The following MKI67 variants were observed in gnomAD, a reference collection of about 807,000 sequenced individuals.
The protein encoded by MKI67 is marker of proliferation Ki-67.
MKI67 carries 152 observed loss-of-function variants against 233.5 expected under a neutral mutation model. That is an observed-to-expected ratio of 0.65 (90% CI 0.57 to 0.74). The LOEUF (loss-of-function observed/expected upper bound fraction) is 0.74, where lower values mean the gene tolerates loss of function less well. Among genes scored for constraint, MKI67 ranks in the 30% least tolerant of loss-of-function variants. MKI67 has a pLI of 0.00. For missense variants in MKI67, 3,940 were observed against 3,885.2 expected (o/e 1.01, Z -0.37); for synonymous variants, 1,465 against 1,418.5 (o/e 1.03, Z -0.74).
At chr10:128,124,942 G>C (rs1303533282) in intron 2 of MKI67, among the ~76,000 whole-genome samples, 1 of 127,304 alleles carries the variant, frequency 7.9e-6, no homozygotes, top group African/African-American at 2.8e-5. Context: ...TGGGAGGACA[G>C]GGTGAGGCCT....
intron 5 of MKI67, among the ~76,000 whole-genome samples, chr10:128,117,531 C>A (rs895633644): frequency 6.6e-6 from 1 of 152,220 alleles, no homozygotes; most frequent in Admixed American, 6.5e-5. Context: ...ATATATATAA[C>A]TTTTATAAAA....
At position 128,104,430 on chromosome 10, in the gene MKI67, C is replaced by T; in HGVS notation, c.7410G>A (p.Glu2470=). ...TEVSCKSPQP[E]SFKTSRSSKQ... ...TGGAGCTTCTTGAGGTTTTGAATGA[C>T]TCTGGCTGTGGAGATTTACAGGATA... is the stretch of plus-strand genomic sequence containing the variant. The change falls in exon 13 of 15, where the codon GAG becomes GAA. Residue 2470 remains glutamate, a synonymous_variant. Coordinates refer to ENST00000368654, the MANE Select transcript of MKI67 (RefSeq NM_002417.5). 1 of 1,613,808 alleles carries T rather than the reference C, an allele frequency of 6.2e-7. No homozygotes were observed. The highest frequency in any genetic ancestry group is 8.5e-7 in the Non-Finnish European group (1 of 1,179,988).
chr10:128,098,484 G>A lies in MKI67; in HGVS notation c.*706C>T, dbSNP rs1296652189. 6.6e-6 allele frequency: 1 copy of A among 152,186 alleles called. No homozygotes were observed. The highest frequency in any genetic ancestry group is 2.4e-5 in the African/African-American group (1 of 41,430). 9.4% of individuals were successfully genotyped at this position (152,186 alleles called of 1,614,324 possible). A position where few individuals can be genotyped will look rare whatever the true frequency, so the allele number is the denominator to read the frequency against. On this transcript the variant is annotated 3_prime_UTR_variant, in exon 15 of 15. Coordinates refer to ENST00000368654, the MANE Select transcript of MKI67 (RefSeq NM_002417.5). ...CCTGGGACCCTGAGATTCCGCGGGT[G>A]GAGAATGTCTCAGGTGAGAGCAACC...
At position 128,103,895 on chromosome 10, in the gene MKI67, G is replaced by A. The variant is rs752768584; in HGVS notation, c.7945C>T (p.Arg2649Cys). Residue 2649 changes from arginine (R) to cysteine (C), a missense_variant, in exon 13 of 15, where the codon CGT becomes TGT. Arg to Cys is a radical substitution (Grantham distance 180, BLOSUM62 -3). Transcript: ENST00000368654. ...GDEGIKVLKQ[R>C]AKKKPNPVEE... Reference sequence around the variant, plus strand: ...ACTGGGTTTGGTTTCTTCTTTGCACGTTGCTTCAATACTTTGATGCCCTCA... The same window carrying A: ...ACTGGGTTTGGTTTCTTCTTTGCACATTGCTTCAATACTTTGATGCCCTCA... 24 of 1,613,668 alleles carry A rather than the reference G, an allele frequency of 1.5e-5. No homozygotes were observed. The highest frequency in any genetic ancestry group is 5.5e-5 in the South Asian group (5 of 91,074).
chr10:128,124,293 T>G (rs1853011530), intron 2 of MKI67, among the ~76,000 whole-genome samples: 1 of 152,200 alleles, frequency 6.6e-6, no homozygotes, highest in Admixed American at 6.5e-5. Flanking sequence ...ACTGAGAATT[T>G]GTTTGGCAGG....
At position 128,107,596 on chromosome 10, in the gene MKI67, C is replaced by T; in HGVS notation, c.4244G>A (p.Gly1415Glu). 6.2e-7 allele frequency: 1 copy of T among 1,614,040 alleles called. No homozygotes were observed. The highest frequency in any genetic ancestry group is 8.5e-7 in the Non-Finnish European group (1 of 1,180,022). The change falls in exon 13 of 15, where the codon GGG becomes GAG. Residue 1415 changes from glycine (G) to glutamate (E), a missense_variant. Physicochemically the swap from Gly to Glu is moderately conservative, Grantham distance 98 (BLOSUM62 -2). Coordinates refer to ENST00000368654, the MANE Select transcript of MKI67 (RefSeq NM_002417.5). The stretch of plus-strand genomic sequence containing the variant: ...TACTTTATCTGTGTGTGTGGTTTCC[C>T]CTGATGTCTGTGTGAGCTTCTTCAG... ...SALKKLTQTS[G>E]ETTHTDKVPG...
At position 128,115,696 on chromosome 10, in the gene MKI67, A is replaced by T. The variant is rs7095325; in HGVS notation, c.712T>A (p.Trp238Arg). ...TTCTTCACTGACTCATAAAGCTTCC[A>T]AAAGGGAGATTCATTTTTTTTGCTA... ...DNSKKNESPF[W>R]KLYESVKKEL... Residue 238 changes from tryptophan to arginine, a missense_variant, in exon 7 of 15, where the codon TGG (tryptophan) becomes AGG (arginine). Physicochemically the swap from Trp to Arg is moderately radical, Grantham distance 101. Coordinates refer to ENST00000368654, the MANE Select transcript of MKI67 (RefSeq NM_002417.5). The T allele has an allele frequency of 0.25, 400,184 of 1,613,470 alleles. 50,242 individuals are homozygous for T. The highest frequency in any genetic ancestry group is 0.31 in the African/African-American group (23,355 of 74,968).
rs1381580513 is a variant in MKI67 at position 128,101,535 on chromosome 10, G to T, written c.9428C>A (p.Pro3143His). Residue 3143 changes from proline (P) to histidine (H), a missense_variant, in exon 14 of 15, where the codon CCC (proline) becomes CAC (histidine). Coordinates refer to ENST00000368654, the MANE Select transcript of MKI67 (RefSeq NM_002417.5). The part of the protein sequence containing the change: ...IQNPDDGARK[P>H]IPRDKVTENK... The stretch of plus-strand genomic sequence containing the variant: ...CTCAGTGACTTTGTCTCTAGGTATG[G>T]GTTTCCGGGCTCCATCATCTGGATT... 2.5e-6 allele frequency: 4 copies of T among 1,614,194 alleles called. No homozygotes were observed. The highest frequency in any genetic ancestry group is 3.4e-6 in the Non-Finnish European group (4 of 1,180,036).
rs759941205 is a variant in MKI67 at position 128,108,626 on chromosome 10, G to A, written c.3214C>T (p.Pro1072Ser). The A allele has an allele frequency of 8.1e-6, 13 of 1,614,052 alleles. No individual in the cohort carries two copies. The highest frequency in any genetic ancestry group is 1.1e-5 in the Non-Finnish European group (13 of 1,180,030). The change falls in exon 13 of 15, where the codon CCA becomes TCA. Residue 1072 changes from proline to serine, a missense_variant. By Grantham distance (74) the Pro-to-Ser change is moderately conservative (BLOSUM62 -1). Coordinates refer to ENST00000368654, the MANE Select transcript of MKI67 (RefSeq NM_002417.5). ...GCTGCTGGGTCCAGGATCTGCTTTG[G>A]AGACTCCTTAAACGTTCTGATGCTC... ...GKSIRTFKES[P>S]KQILDPAARV...
chr10:128,105,803 G>A lies in MKI67; in HGVS notation c.6037C>T (p.Leu2013=). 6.2e-7 allele frequency: 1 copy of A among 1,614,162 alleles called. No homozygotes were observed. The part of the protein sequence containing the change: ...LGKVGVKEEV[L]PVGKLTQTSG... ...GTCTGTGTGAGCTTGCCGACTGGTAGGACCTCTTCTTTCACACCTACTTTC... is the reference window on the plus strand; with the variant it reads ...GTCTGTGTGAGCTTGCCGACTGGTAAGACCTCTTCTTTCACACCTACTTTC... Residue 2013 remains leucine (L), a synonymous_variant, in exon 13 of 15, where the codon CTA becomes TTA. Transcript: ENST00000368654.
Position 128,125,559 on chromosome 10 carries a change from G to T in MKI67, c.92+17C>A. The T allele has an allele frequency of 6.2e-7, 1 of 1,606,800 alleles. No homozygotes were observed. Among genetic ancestry groups the T allele is most frequent in the Non-Finnish European group, 8.5e-7 (1 of 1,174,706 alleles). On this transcript the variant is annotated intron_variant, in intron 2 of 14. Transcript: ENST00000368654. The surrounding 1 kb of genome is among the most constrained non-coding windows in gnomAD (Gnocchi z 5.3). ...TCTTTCTCAGCTAAAACGTCCGCGC[G>T]CGCCCGCGGGGCTCACCTTCCAAAC...
intron 8 of MKI67, among the ~76,000 whole-genome samples, chr10:128,112,676 G>A (rs1332190703): frequency 2.0e-5 from 3 of 152,164 alleles, no homozygotes; most frequent in African/African-American, 7.2e-5. Flanking sequence ...GTAAAAAGGT[G>A]GAAGGAACAT....
Position 128,105,532 on chromosome 10 carries a change from C to A in MKI67, c.6308G>T (p.Cys2103Phe), listed in dbSNP as rs765016306. The change falls in exon 13 of 15, where the codon TGC becomes TTC. Residue 2103 changes from cysteine to phenylalanine, a missense_variant. Transcript: ENST00000368654. ...TTDDKTTKIA[C>F]KSPPPESMDT... Reference sequence around the variant, plus strand: ...CATTGATTCTGGTGGTGGAGATTTGCAGGCTATTTTGGTAGTTTTGTCATC... The same window carrying A: ...CATTGATTCTGGTGGTGGAGATTTGAAGGCTATTTTGGTAGTTTTGTCATC... The A allele has an allele frequency of 1.9e-6, 3 of 1,614,004 alleles. No individual in the cohort carries two copies. The South Asian group carries it at 3.3e-5, about 18-fold the overall frequency.
In MKI67 at chr10:128,103,502, C is replaced by A. The variant is rs370033414; in HGVS notation, c.8338G>T (p.Val2780Leu). 6.2e-7 allele frequency: 1 copy of A among 1,613,834 alleles called. No homozygotes were observed. Among genetic ancestry groups the A allele is most frequent in the Admixed American group, 1.7e-5 (1 of 59,986 alleles). ...AKQTPAPAAS[V>L]TGSRRRPRAP... ...CTTGGCCGTCTCCTGCTGCCAGTTA[C>A]ACTTGCTGCTGGAGCCGGTGTCTGT... Residue 2780 changes from valine (V) to leucine (L), a missense_variant, in exon 13 of 15, where the codon GTA becomes TTA. Physicochemically the swap from Val to Leu is conservative, Grantham distance 32 (BLOSUM62 1). Transcript: ENST00000368654.
chr10:128,105,834 G>T lies in MKI67; in HGVS notation c.6006C>A (p.Ser2002=). The T allele has an allele frequency of 6.2e-7, 1 of 1,614,092 alleles. No homozygotes were observed. The highest frequency in any genetic ancestry group is 1.1e-5 in the South Asian group (1 of 91,082). The change falls in exon 13 of 15, where the codon TCC becomes TCA. Residue 2002 remains serine, a synonymous_variant. Coordinates refer to ENST00000368654, the MANE Select transcript of MKI67 (RefSeq NM_002417.5). ...CTTCTTTCACACCTACTTTCCCCAA[G>T]GATATCTTGAGTCGTTGCTTGGAGC... ...PTSSKQRLKI[S]LGKVGVKEEV...
intron 14 of MKI67, among the ~76,000 whole-genome samples, chr10:128,100,072 G>A (rs1564996620): frequency 6.6e-6 from 1 of 152,230 alleles, no homozygotes. Context: ...CTCGACGGGT[G>A]AACGTGCTGA....
chr10:128,115,741 T>C lies in MKI67; in HGVS notation c.667A>G (p.Thr223Ala), dbSNP rs1312821082. ...SRYGELKSVP[T>A]TQCLDNSKKN... is the part of the protein sequence containing the mutation. ...TTGCTATTGTCAAGACATTGTGTAG[T>C]GGGAACAGACTTCAATTCTCCATAA... Residue 223 changes from threonine to alanine, a missense_variant, in exon 7 of 15, where the codon ACT (threonine) becomes GCT (alanine). Thr to Ala is a moderately conservative substitution (Grantham distance 58, BLOSUM62 0). Transcript: ENST00000368654. 9.9e-6 allele frequency: 16 copies of C among 1,613,596 alleles called. No homozygotes were observed. In the South Asian group the frequency reaches 1.3e-4, roughly 13 times the overall value.
chr10:128,107,140 T>C lies in MKI67; in HGVS notation c.4700A>G (p.Asn1567Ser). 13 of 1,613,660 alleles carry C rather than the reference T, an allele frequency of 8.1e-6. No homozygotes were observed. The highest frequency in any genetic ancestry group is 1.1e-5 in the Non-Finnish European group (13 of 1,179,944). ...TAGCCGTCTCTTGCTGCCAGTTAAG[T>C]TCTCTGTCAGGTCCAGTTTCTGCAC... Reference protein sequence around the residue: ...TPVQKLDLTENLTGSKRRLQT... With the variant: ...TPVQKLDLTESLTGSKRRLQT... The change falls in exon 13 of 15, where the codon AAC becomes AGC. Residue 1567 changes from asparagine to serine, a missense_variant. Asn to Ser is a conservative substitution (Grantham distance 46, BLOSUM62 1). Transcript: ENST00000368654.
chr10:128,108,740 C>T lies in MKI67; in HGVS notation c.3100G>A (p.Val1034Met), dbSNP rs757355343. The T allele has an allele frequency of 6.2e-7, 1 of 1,614,248 alleles. No individual in the cohort carries two copies. The highest frequency in any genetic ancestry group is 8.5e-7 in the Non-Finnish European group (1 of 1,180,044). The change falls in exon 13 of 15, where the codon GTG (valine) becomes ATG (methionine). Residue 1034 changes from valine to methionine, a missense_variant. Transcript: ENST00000368654. Reference protein sequence around the residue: ...QLKASLGKVGVKEELLAVGKF... With the variant: ...QLKASLGKVGMKEELLAVGKF... ...CCGACTGCTAGGAGCTCTTCTTTCA[C>T]ACCTACTTTCCCCAGGGATGCCTTC...
Sources: gnomAD v4.1 joint callset for allele counts (sites outside exome capture counted in the v4.1 genomes callset) on GRCh38, gnomAD v4.1.1 for gene constraint, Gnocchi (gnomAD v3.1) non-coding constraint, MANE v1.5 for transcripts, NCBI Gene and HGNC (gene_info 2026-07-23, HGNC 2026-07-21) for gene names.